Variants in CSMD1 observed in about 807,000 individuals in gnomAD.
CSMD1 encodes CUB and sushi domain-containing protein 1.
In CSMD1, 213 loss-of-function variants were observed where a neutral mutation model predicts 417.5. The observed-to-expected ratio is 0.51, with a 90% CI of 0.46 to 0.57. The LOEUF (loss-of-function observed/expected upper bound fraction) is 0.57. CSMD1 is among the 20% of genes least tolerant of loss of function. CSMD1 has a pLI of 0.00. For synonymous variants in CSMD1, 2,862 were observed against 1,736.8 expected (o/e 1.65, Z -16.11); for missense variants, 6,923 against 4,529.7 (o/e 1.53, Z -15.17).
chr8:3,674,996 T>C (rs1799297824), intron 7 of CSMD1, among the ~76,000 whole-genome samples: 1 of 152,174 alleles, frequency 6.6e-6, no homozygotes, highest in Admixed American at 6.5e-5. Flanking sequence ...TCAGTCTCCC[T>C]GGAAGGTTTT....
Position 2,965,976 on chromosome 8 carries a change from A to G in CSMD1, c.9101-22T>C, listed in dbSNP as rs761019216. ...ATAACTAATAAACAGGGAACAGGAA[A>G]GAATCAGAGAAATTCATTTACCATG... On this transcript the variant is annotated intron_variant, in intron 58 of 69. Coordinates refer to ENST00000635120, the MANE Select transcript of CSMD1 (RefSeq NM_033225.6). The G allele has an allele frequency of 1.3e-5, 20 of 1,570,174 alleles. No homozygotes were observed. In the Admixed American group the frequency reaches 3.1e-4, roughly 24 times the overall value.
intron 5 of CSMD1, among the ~76,000 whole-genome samples, chr8:3,869,603 G>C (rs533045679): frequency 6.6e-6 from 1 of 152,284 alleles, no homozygotes; most frequent in South Asian, 2.1e-4. Flanking sequence ...AATAGTGAGA[G>C]AAAACATGCA....
At chr8:4,026,682 A>C (rs774519346) in intron 4 of CSMD1, among the ~76,000 whole-genome samples, 3 of 152,252 alleles carry the variant, frequency 2.0e-5, no homozygotes, top group African/African-American at 7.2e-5. Flanking sequence ...AATATAAAAT[A>C]GCAATCAGAC....
At chr8:3,923,277 G>A (rs1809406239) in intron 5 of CSMD1, among the ~76,000 whole-genome samples, 1 of 152,090 alleles carries the variant, frequency 6.6e-6, no homozygotes, top group African/African-American at 2.4e-5. Flanking sequence ...TCTGACTCTG[G>A]AGCCCAGGCT....
chr8:4,981,386 G>A (rs557016472), intron 1 of CSMD1, among the ~76,000 whole-genome samples: 4 of 152,232 alleles, frequency 2.6e-5, no homozygotes, highest in Admixed American at 6.5e-5. Flanking sequence ...TGATAGGACC[G>A]AATTATCCCC....
At chr8:3,983,286 A>G (rs965666340) in intron 5 of CSMD1, among the ~76,000 whole-genome samples, 4 of 151,568 alleles carry the variant, frequency 2.6e-5, no homozygotes, top group South Asian at 2.1e-4. Flanking sequence ...GCCCACCACC[A>G]CGCCCGGCTA....
intron 3 of CSMD1, among the ~76,000 whole-genome samples, chr8:4,169,219 A>C (rs539268974): frequency 6.6e-6 from 1 of 152,262 alleles, no homozygotes; most frequent in South Asian, 2.1e-4. Flanking sequence ...ATGTCTGAGC[A>C]AAGTCCAGCA....
At chr8:3,333,855 A>G (rs1807066352) in intron 23 of CSMD1, among the ~76,000 whole-genome samples, 1 of 152,186 alleles carries the variant, frequency 6.6e-6, no homozygotes, top group Admixed American at 6.5e-5. Context: ...TTACTTTAAA[A>G]CAGCAATGCT....
At chr8:4,705,254 AT>A (rs914168953) in intron 1 of CSMD1, among the ~76,000 whole-genome samples, 19 of 152,030 alleles carry the variant, frequency 1.2e-4, no homozygotes, top group African/African-American at 3.4e-4. Context: ...AGTCTCTGGT[AT>A]TTTTTTTATA....
At chr8:4,477,160 C>T (rs1168404219) in intron 2 of CSMD1, among the ~76,000 whole-genome samples, 1 of 152,208 alleles carries the variant, frequency 6.6e-6, no homozygotes, top group Non-Finnish European at 1.5e-5. Flanking sequence ...GTGACCCTTC[C>T]TTATCCCACT....
chr8:3,611,263 A>G (rs992534318), intron 8 of CSMD1, among the ~76,000 whole-genome samples: 1 of 151,770 alleles, frequency 6.6e-6, no homozygotes, highest in Non-Finnish European at 1.5e-5. Context: ...AAAAAAAAAG[A>G]AAGTCCTTGA....
At chr8:4,411,968 G>T (rs777211870) in intron 3 of CSMD1, among the ~76,000 whole-genome samples, 4 of 148,558 alleles carry the variant, frequency 2.7e-5, no homozygotes, top group African/African-American at 1.0e-4. Context: ...TTGATGAAAA[G>T]TACACAGCAA....
chr8:4,118,620 G>C (rs1465181742), intron 3 of CSMD1, among the ~76,000 whole-genome samples: 1 of 152,156 alleles, frequency 6.6e-6, no homozygotes, highest in Non-Finnish European at 1.5e-5. Context: ...TGGAGACTTA[G>C]GAACACATTT....
intron 3 of CSMD1, among the ~76,000 whole-genome samples, chr8:4,187,429 C>G (rs1009416692): frequency 6.6e-6 from 1 of 151,914 alleles, no homozygotes; most frequent in African/African-American, 2.4e-5. Flanking sequence ...GGCAGATCAC[C>G]TGAGGTCAGG....
intron 20 of CSMD1, among the ~76,000 whole-genome samples, chr8:3,361,572 A>C (rs1325789991): frequency 6.7e-6 from 1 of 149,638 alleles, no homozygotes; most frequent in East Asian, 2.0e-4. Flanking sequence ...GAATCGCTTG[A>C]ACCCTGGAGG....
chr8:3,975,598 G>A (rs1023294915), intron 5 of CSMD1, among the ~76,000 whole-genome samples: 5 of 152,098 alleles, frequency 3.3e-5, no homozygotes, highest in Non-Finnish European at 7.3e-5. Flanking sequence ...ACCTCGTGTG[G>A]ATTAGAAAAA....
chr8:3,933,620 A>G (rs1810298626), intron 5 of CSMD1, among the ~76,000 whole-genome samples: 1 of 152,180 alleles, frequency 6.6e-6, no homozygotes, highest in South Asian at 2.1e-4. Context: ...TTCTGGTAAG[A>G]TACTGTTAGT....
intron 1 of CSMD1, among the ~76,000 whole-genome samples, chr8:4,885,569 G>C (rs1201499739): frequency 6.6e-6 from 1 of 151,806 alleles, no homozygotes. Flanking sequence ...TGCTTTTTCT[G>C]CATTACTGAG....
intron 52 of CSMD1, among the ~76,000 whole-genome samples, chr8:3,016,172 TATC>T (rs1170530000): frequency 6.6e-6 from 1 of 152,180 alleles, no homozygotes; most frequent in Non-Finnish European, 1.5e-5. Flanking sequence ...CATCAAAAAA[TATC>T]ATCATTTATA....
Sources: allele counts gnomAD v4.1 joint callset (sites outside exome capture counted in the v4.1 genomes callset), GRCh38; gene constraint gnomAD v4.1.1; transcripts MANE v1.5; gene names NCBI Gene and HGNC (gene_info 2026-07-23, HGNC 2026-07-21).